The following ZNF236 variants were observed in gnomAD, a reference collection of about 807,000 sequenced individuals.
ZNF236 encodes the protein zinc finger protein 236, also known as regulated by glucose.
A neutral mutation model predicts 191.2 loss-of-function variants in ZNF236; 50 were observed. The observed-to-expected ratio is 0.26, with a 90% confidence interval of 0.21 to 0.33. The LOEUF is 0.33. Among genes scored for constraint, ZNF236 ranks in the 10% least tolerant of loss-of-function variants. The probability of loss-of-function intolerance (pLI) is 1.00; values close to 1 mark genes in which losing one functional copy is unlikely to be tolerated. For missense variants in ZNF236, 1,754 were observed against 2,374.5 expected, an observed-to-expected ratio of 0.74 and a Z score of 5.43; for synonymous variants, 907 against 928.8, an observed-to-expected ratio of 0.98 and a Z score of 0.43.
intron 1 of ZNF236, among the ~76,000 whole-genome samples, chr18:76,836,474 C>G (rs1217949160): frequency 1.3e-5 from 2 of 152,088 alleles, no homozygotes; most frequent in East Asian, 3.9e-4. Context: ...CCTTAGCATC[C>G]CAAGTAGCTG....
intron 1 of ZNF236, among the ~76,000 whole-genome samples, chr18:76,833,648 A>AG: frequency 6.6e-6 from 1 of 152,042 alleles, no homozygotes; most frequent in South Asian, 2.1e-4. Flanking sequence ...CTACAATTTT[A>AG]TTTTTTTATA....
chr18:76,913,683 G>T, intron 17 of ZNF236, 64 bp from the exon 18 acceptor site: 1 of 1,552,060 alleles, frequency 6.4e-7, no homozygotes, highest in South Asian at 1.2e-5. Context: ...TCCCTTTTCA[G>T]GTGCTGTATT....
chr18:76,917,246 G>T (rs1446503226), intron 19 of ZNF236, among the ~76,000 whole-genome samples: 1 of 152,150 alleles, frequency 6.6e-6, no homozygotes, highest in Non-Finnish European at 1.5e-5. Flanking sequence ...AAAAGAAAAT[G>T]ACCCTTTCCT....
Position 76,927,942 on chromosome 18 carries a change from C to G in ZNF236, c.4430C>G (p.Thr1477Ser). ...TGACAATCAGGGACCCAAGACCTCA[C>G]TCAAGTGATGACTTCGCAAGGTCTA... ...TTNSSGTQDL[T>S]QVMTSQGLVS... The change falls in exon 25 of 31, where the codon ACT becomes AGT. Residue 1477 changes from threonine (T) to serine (S), a missense_variant. By Grantham distance (58) the Thr-to-Ser change is moderately conservative. Around this residue, in one of 5 missense-constraint regions of ZNF236, gnomAD observed 606 missense variants for 761.5 expected, o/e 0.80. Transcript: ENST00000320610. This position sits in a 1 kb window ranked among gnomAD's most constrained non-coding sequence, Gnocchi z 5.4. 2 of 1,603,982 alleles carry G rather than the reference C, an allele frequency of 1.2e-6. No homozygotes were observed. Among genetic ancestry groups the G allele is most frequent in the Admixed American group, 3.4e-5 (2 of 58,242 alleles).
At chr18:76,884,326 G>A (rs1344634949) in intron 9 of ZNF236, among the ~76,000 whole-genome samples, 2 of 151,712 alleles carry the variant, frequency 1.3e-5, no homozygotes, top group Non-Finnish European at 2.9e-5. Context: ...GCTTGAACCC[G>A]GGAAGTGGAG....
intron 1 of ZNF236, among the ~76,000 whole-genome samples, chr18:76,835,488 T>A (rs543206679): frequency 6.6e-6 from 1 of 150,702 alleles, no homozygotes; most frequent in Non-Finnish European, 1.5e-5. Flanking sequence ...CCATACAAAT[T>A]GAAAGATCTT....
chr18:76,917,809 C>T (rs747172024), intron 19 of ZNF236, among the ~76,000 whole-genome samples: 25 of 152,290 alleles, frequency 1.6e-4, no homozygotes, highest in Admixed American at 1.2e-3. Context: ...AAGCTGCCCT[C>T]AAATCATTCC....
chr18:76,845,487 C>CA (rs1975646699), intron 1 of ZNF236, among the ~76,000 whole-genome samples: 1 of 152,118 alleles, frequency 6.6e-6, no homozygotes, highest in Non-Finnish European at 1.5e-5. Context: ...AATACCTATT[C>CA]TGACTTGGGA....
chr18:76,951,184 C>T (rs1599421757), intron 27 of ZNF236, among the ~76,000 whole-genome samples: 2 of 152,334 alleles, frequency 1.3e-5, no homozygotes, highest in South Asian at 2.1e-4. Context: ...TTGGCTTCAA[C>T]TTAAAGTCAC....
chr18:76,895,491 C>A, intron 10 of ZNF236: 1 of 691,502 alleles, frequency 1.4e-6, no homozygotes, highest in Non-Finnish European at 2.4e-6. Flanking sequence ...GTACTGCCCA[C>A]AGGGACTGCA....
At chr18:76,824,838 C>T (rs1228533410) in intron 1 of ZNF236, among the ~76,000 whole-genome samples, 1 of 152,230 alleles carries the variant, frequency 6.6e-6, no homozygotes, top group Non-Finnish European at 1.5e-5. Flanking sequence ...TCCAGAGATA[C>T]CCTCTGACCC....
rs762882263 is a variant in ZNF236 at position 76,919,777 on chromosome 18, C to A, written c.3276C>A (p.Asp1092Glu). 1 of 1,613,372 alleles carries A rather than the reference C, an allele frequency of 6.2e-7. No individual in the cohort carries two copies. The highest frequency in any genetic ancestry group is 1.7e-5 in the Admixed American group (1 of 60,010). Residue 1092 changes from aspartate to glutamate, a missense_variant and splice_region_variant, in exon 20 of 31, where the codon GAC (aspartate) becomes GAA (glutamate). Coordinates refer to ENST00000320610, the MANE Select transcript of ZNF236 (RefSeq NM_001306089.2). The surrounding 1 kb of genome is among the most constrained non-coding windows in gnomAD (Gnocchi z 5.3). ...TCCCTTTTCCTTGATTTTGTGTAGA[C>A]ATTTGTATGGAGGAAGAGGAAGAAC... ...VSATGETEGG[D>E]ICMEEEEEHS... is the part of the protein sequence containing the mutation.
intron 20 of ZNF236, among the ~76,000 whole-genome samples, chr18:76,921,594 G>T (rs1472885326): frequency 6.6e-6 from 1 of 152,178 alleles, no homozygotes; most frequent in Non-Finnish European, 1.5e-5. Flanking sequence ...GGTGTCACAT[G>T]GAGGTGTTGA....
chr18:76,898,945 C>A, intron 10 of ZNF236, 74 bp from the exon 11 acceptor site: 2 of 1,273,286 alleles, frequency 1.6e-6, no homozygotes, highest in Non-Finnish European at 2.3e-6. Context: ...GAAATAATAA[C>A]ATTTTATGTT....
At chr18:76,855,510 G>A (rs1976016447) in intron 3 of ZNF236, among the ~76,000 whole-genome samples, 1 of 152,184 alleles carries the variant, frequency 6.6e-6, no homozygotes, top group African/African-American at 2.4e-5. Context: ...AGTTAACTAT[G>A]TGTCTTAAGT....
intron 27 of ZNF236, among the ~76,000 whole-genome samples, chr18:76,950,458 T>C (rs984112049): frequency 6.6e-6 from 1 of 152,156 alleles, no homozygotes; most frequent in African/African-American, 2.4e-5. Flanking sequence ...GATCCCTATC[T>C]GCTCAGTTAT....
Position 76,881,357 on chromosome 18 carries a change from C to T in ZNF236, c.1262C>T (p.Thr421Ile). 2 of 1,614,148 alleles carry T rather than the reference C, an allele frequency of 1.2e-6. No individual in the cohort carries two copies. The highest frequency in any genetic ancestry group is 1.7e-6 in the Non-Finnish European group (2 of 1,180,036). ...CCTAATGACTCCTGCCATGCCAAGA[C>T]CTCTGCACCACACGCTCAAAACCCA... ...AHPNDSCHAKTSAPHAQNPDV... is the reference protein window; with the variant it reads ...AHPNDSCHAKISAPHAQNPDV... Residue 421 changes from threonine (T) to isoleucine (I), a missense_variant, in exon 9 of 31, where the codon ACC (threonine) becomes ATC (isoleucine). This residue lies in a region of ZNF236 where 126 missense variants were observed against 110.9 expected (regional missense o/e 1.14). Transcript: ENST00000320610.
Position 76,829,643 on chromosome 18 carries a change from G to A in ZNF236, c.55+6981G>A, listed in dbSNP as rs1218431652. ...CACCCAGCCGGTTTATGATTGCTAA[G>A]AGAAGCCAGAAATGTGTATATTTAT... is the stretch of plus-strand genomic sequence containing the variant. On this transcript the variant is annotated intron_variant, in intron 1 of 30. Transcript: ENST00000320610. Among the ~76,000 whole-genome samples, 5 of 152,278 alleles carry A rather than the reference G, an allele frequency of 3.3e-5. No individual in the cohort carries two copies. In the East Asian group the frequency reaches 9.7e-4, roughly 29 times the overall value.
rs150020177 is a variant in ZNF236 at position 76,824,858 on chromosome 18, C to T, written c.55+2196C>T. Among the ~76,000 whole-genome samples, 30 of 152,380 alleles carry T rather than the reference C, an allele frequency of 2.0e-4. 1 individual carries two copies. In the East Asian group the frequency reaches 5.8e-3, roughly 29 times the overall value. The stretch of plus-strand genomic sequence containing the variant: ...AGATACCCTCTGACCCAGCCTCCCT[C>T]TCCGGGCTGGAGAGCTGCAGGAGCC... On this transcript the variant is annotated intron_variant, in intron 1 of 30. Transcript: ENST00000320610.
Sources: allele counts gnomAD v4.1 joint callset (sites outside exome capture counted in the v4.1 genomes callset), GRCh38; gene constraint gnomAD v4.1.1; regional missense constraint gnomAD v4.1.1; non-coding constraint Gnocchi (gnomAD v3.1); transcripts MANE v1.5; gene names NCBI Gene and HGNC (gene_info 2026-07-23, HGNC 2026-07-21).